Variants in CYP4X1 observed in about 807,000 individuals in gnomAD.
CYP4X1 encodes cytochrome P450 family 4 subfamily X member 1.
A neutral mutation model predicts 57.9 loss-of-function variants in CYP4X1; 44 were observed. That is an observed-to-expected ratio of 0.76 (90% CI 0.60 to 0.98). The LOEUF (loss-of-function observed/expected upper bound fraction) is 0.98, where lower values mean the gene tolerates loss of function less well. Ranked by LOEUF, CYP4X1 falls within the 50% of genes least tolerant of loss-of-function variation. The pLI is 0.00. For missense variants in CYP4X1, 532 were observed against 623.9 expected, an observed-to-expected ratio of 0.85 and a Z score of 1.57; for synonymous variants, 227 against 228.6, an observed-to-expected ratio of 0.99 and a Z score of 0.06.
At chr1:47,049,815 G>T (rs1344619609) in intron 11 of CYP4X1, among the ~76,000 whole-genome samples, 185 bp from the exon 12 acceptor site, 2 of 152,156 alleles carry the variant, frequency 1.3e-5, no homozygotes, top group Non-Finnish European at 2.9e-5. Flanking sequence ...AAGGCATCAT[G>T]TTGGAGCCTC....
chr1:47,041,453 T>C (rs1297570739), intron 8 of CYP4X1, among the ~76,000 whole-genome samples: 1 of 152,168 alleles, frequency 6.6e-6, no homozygotes, highest in African/African-American at 2.4e-5. Context: ...CACCAACATT[T>C]GTCTTTTTGG....
intron 6 of CYP4X1, among the ~76,000 whole-genome samples, chr1:47,036,496 A>G (rs1370261263): frequency 2.6e-5 from 4 of 151,706 alleles, no homozygotes; most frequent in Non-Finnish European, 4.4e-5. Flanking sequence ...AGTAATAATA[A>G]TGACAAGCTA....
At chr1:46,994,809 TG>T in the CYP4X1 span, among the ~76,000 whole-genome samples, 1 of 152,156 alleles carries the variant, frequency 6.6e-6, no homozygotes, top group African/African-American at 2.4e-5. Flanking sequence ...GTATGCCAGA[TG>T]GGGGGCACAG....
the CYP4X1 span, among the ~76,000 whole-genome samples, chr1:46,962,893 CTT>C: frequency 6.6e-6 from 1 of 152,108 alleles, no homozygotes; most frequent in Non-Finnish European, 1.5e-5. Flanking sequence ...GTCTAAGTCT[CTT>C]TGTAGGTCTC....
chr1:47,042,503 T>C (rs1644257884), intron 8 of CYP4X1, among the ~76,000 whole-genome samples: 1 of 152,092 alleles, frequency 6.6e-6, no homozygotes, highest in Admixed American at 6.6e-5. Flanking sequence ...CAGGTGGTGT[T>C]TGGTTATGAG....
Position 47,049,481 on chromosome 1 carries a change from C to T in CYP4X1, c.1332C>T (p.Tyr444=). 1.2e-6 allele frequency: 2 copies of T among 1,614,098 alleles called. No individual in the cohort carries two copies. Among genetic ancestry groups the T allele is most frequent in the Admixed American group, 1.7e-5 (1 of 60,012 alleles). Residue 444 remains tyrosine (Y), a synonymous_variant, in exon 11 of 12, where the codon TAC becomes TAT. Coordinates refer to ENST00000371901, the MANE Select transcript of CYP4X1 (RefSeq NM_178033.2). Reference sequence around the variant, plus strand: ...CTGATCAGAGACACCCCTATGCCTACTTACCATTCTCAGCTGGATCAAGGT... The same window carrying T: ...CTGATCAGAGACACCCCTATGCCTATTTACCATTCTCAGCTGGATCAAGGT... ...ENSDQRHPYA[Y]LPFSAGSRNC...
intron 6 of CYP4X1, 122 bp downstream of exon 6, chr1:47,036,293 T>C (rs1644181100): frequency 8.2e-7 from 1 of 1,216,690 alleles, no homozygotes; most frequent in Admixed American, 2.9e-5. Flanking sequence ...AGCTTTTATA[T>C]AGACACTGCT....
At chr1:46,977,328 T>C in the CYP4X1 span, among the ~76,000 whole-genome samples, 2 of 152,074 alleles carry the variant, frequency 1.3e-5, no homozygotes, top group Admixed American at 6.5e-5. Context: ...ATGTGATACA[T>C]GCACAAGCTT....
At chr1:47,013,056 G>T in the CYP4X1 span, among the ~76,000 whole-genome samples, 3 of 151,858 alleles carry the variant, frequency 2.0e-5, no homozygotes, top group East Asian at 5.8e-4. Context: ...TCACCATACC[G>T]TTTTCTCGAT....
In CYP4X1 at chr1:47,023,832, G is replaced by A; in HGVS notation, c.15G>A (p.Trp5Ter). 1 of 1,613,106 alleles carries A rather than the reference G, an allele frequency of 6.2e-7. No homozygotes were observed. Among genetic ancestry groups the A allele is most frequent in the Non-Finnish European group, 8.5e-7 (1 of 1,179,902 alleles). The change falls in exon 1 of 12, where the codon TGG becomes TGA. Residue 5 changes from tryptophan (W) to a stop codon, truncating the protein, a stop_gained. Coordinates refer to ENST00000371901, the MANE Select transcript of CYP4X1 (RefSeq NM_178033.2). LOFTEE classifies it high-confidence loss of function. MEFS[W>*]LETRWARPFY... ...TGCGCAGAGCCATGGAATTCTCCTG[G>A]CTGGAGACGCGCTGGGCGCGGCCCT...
rs985601676 is a variant in CYP4X1 at position 47,031,354 on chromosome 1, T to G, written c.320-82T>G. On this transcript the variant is annotated intron_variant, in intron 2 of 11. Coordinates refer to ENST00000371901, the MANE Select transcript of CYP4X1 (RefSeq NM_178033.2). ...TCACTTTTTGTGGTTGGTGCAGAAA[T>G]GCAGAAAACCGTCACCAACTTGAAC... The G allele has an allele frequency of 2.6e-6, 4 of 1,525,476 alleles. No homozygotes were observed. The African/African-American group carries it at 5.5e-5, about 21-fold the overall frequency. The allele number at this position is 1,525,476 out of a possible 1,614,324, so 94.5% of individuals were successfully genotyped here.
the CYP4X1 span, among the ~76,000 whole-genome samples, chr1:46,983,454 AG>A: frequency 6.6e-6 from 1 of 152,202 alleles, no homozygotes; most frequent in Non-Finnish European, 1.5e-5. Flanking sequence ...GAGGACAGCA[AG>A]GGCAGTTCCA....
chr1:47,054,704 G>T (rs1296319401), downstream of CYP4X1, among the ~76,000 whole-genome samples: 1 of 152,126 alleles, frequency 6.6e-6, no homozygotes, highest in Non-Finnish European at 1.5e-5. Context: ...ATTCACTCAT[G>T]ATTTGGCTCT....
chr1:47,042,215 T>C (rs2148513533), intron 8 of CYP4X1, among the ~76,000 whole-genome samples: 1 of 152,074 alleles, frequency 6.6e-6, no homozygotes, highest in Admixed American at 6.6e-5. Flanking sequence ...GTATGATGCC[T>C]CCAGCTTTGC....
At chr1:47,008,433 T>TG in the CYP4X1 span, among the ~76,000 whole-genome samples, 2 of 152,000 alleles carry the variant, frequency 1.3e-5, no homozygotes, top group Non-Finnish European at 2.9e-5. Flanking sequence ...GCACTAAACA[T>TG]GGAAAGGAAC....
the CYP4X1 span, among the ~76,000 whole-genome samples, chr1:46,992,479 C>G: frequency 6.6e-6 from 1 of 152,202 alleles, no homozygotes; most frequent in Non-Finnish European, 1.5e-5. Flanking sequence ...GCCTATTCCT[C>G]TACCTATAAG....
At chr1:47,007,162 C>T in the CYP4X1 span, among the ~76,000 whole-genome samples, 1 of 152,226 alleles carries the variant, frequency 6.6e-6, no homozygotes, top group Non-Finnish European at 1.5e-5. Flanking sequence ...AGTAGCCTAA[C>T]TGGGAGGCAC....
chr1:47,024,323 C>T (rs1385405349), intron 1 of CYP4X1, among the ~76,000 whole-genome samples: 1 of 152,198 alleles, frequency 6.6e-6, no homozygotes, highest in Non-Finnish European at 1.5e-5. Flanking sequence ...ACATGTGTTG[C>T]TTTAAAAATA....
At chr1:47,038,244 C>T (rs983483462) in intron 6 of CYP4X1, among the ~76,000 whole-genome samples, 7 of 151,994 alleles carry the variant, frequency 4.6e-5, no homozygotes, top group African/African-American at 1.4e-4. Flanking sequence ...TAAATATTAC[C>T]TCTGTTCCAT....
Sources: gnomAD v4.1 joint callset for allele counts (sites outside exome capture counted in the v4.1 genomes callset) on GRCh38, gnomAD v4.1.1 for gene constraint, MANE v1.5 for transcripts, NCBI Gene and HGNC (gene_info 2026-07-23, HGNC 2026-07-21) for gene names.